The following SULF1 variants were observed in gnomAD, a reference collection of about 807,000 sequenced individuals.
SULF1 encodes the protein extracellular sulfatase Sulf-1.
In SULF1, 46 loss-of-function variants were observed where a neutral mutation model predicts 110.5. That is an observed-to-expected ratio of 0.42 (90% CI 0.33 to 0.53). The LOEUF (loss-of-function observed/expected upper bound fraction) is 0.53. Among genes scored for constraint, SULF1 ranks in the 20% least tolerant of loss-of-function variants. The pLI, the probability that SULF1 is intolerant of heterozygous loss-of-function variation, is 0.12. For missense variants in SULF1, 941 were observed against 1,094.2 expected (o/e 0.86, Z 1.98); for synonymous variants, 371 against 387.1 (o/e 0.96, Z 0.49).
At chr8:69,637,411 C>A (rs535952817) in intron 19 of SULF1, among the ~76,000 whole-genome samples, 1 of 152,300 alleles carries the variant, frequency 6.6e-6, no homozygotes, top group East Asian at 1.9e-4. Flanking sequence ...GCTTTACGAT[C>A]CATTTTGAAC....
intron 22 of SULF1, among the ~76,000 whole-genome samples, chr8:69,650,429 A>T (rs1026785395): frequency 6.6e-6 from 1 of 152,126 alleles, no homozygotes; most frequent in Non-Finnish European, 1.5e-5. Context: ...TGAGCTCAGA[A>T]GTTCAAGACC....
At chr8:69,471,070 C>T (rs1254083693) in intron 1 of SULF1, among the ~76,000 whole-genome samples, 2 of 152,318 alleles carry the variant, frequency 1.3e-5, no homozygotes, top group Non-Finnish European at 2.9e-5. Context: ...TAAGTTCCAC[C>T]GCCTTTGAGA....
chr8:69,560,788 A>C (rs777043598), intron 3 of SULF1, among the ~76,000 whole-genome samples: 1 of 152,198 alleles, frequency 6.6e-6, no homozygotes, highest in African/African-American at 2.4e-5. Context: ...ACAGGCTTTA[A>C]AAGGTCATTT....
chr8:69,564,029 G>A lies in SULF1; in HGVS notation c.54G>A (p.Leu18=). Residue 18 remains leucine, a synonymous_variant, in exon 5 of 23, where the codon CTG becomes CTA. Transcript: ENST00000402687. ...TGGCTGTCCTGGGCACAGAATTGCTGGGAAGCCTCTGTTCGACTGTCAGAT... is the reference window on the plus strand; with the variant it reads ...TGGCTGTCCTGGGCACAGAATTGCTAGGAAGCCTCTGTTCGACTGTCAGAT... ...LVLAVLGTEL[L]GSLCSTVRSP... 8 of 1,614,166 alleles carry A rather than the reference G, an allele frequency of 5.0e-6. No homozygotes were observed. Among genetic ancestry groups the A allele is most frequent in the Non-Finnish European group, 6.8e-6 (8 of 1,180,034 alleles).
chr8:69,577,970 G>A lies in SULF1; in HGVS notation c.412+1761G>A, dbSNP rs116272481. 4.3e-3 allele frequency among the ~76,000 whole-genome samples: 653 copies of A among 152,244 alleles called. 4 individuals carry two copies. Among genetic ancestry groups the A allele is most frequent in the African/African-American group, 0.015 (608 of 41,544 alleles). On this transcript the variant is annotated intron_variant, in intron 6 of 22. Coordinates refer to ENST00000402687, the MANE Select transcript of SULF1 (RefSeq NM_001128205.2). ...AAGCTACAGACCCATGAGGACCCTG[G>A]CAAACAGAAACAAAGAGTAGGACTA... is the stretch of plus-strand genomic sequence containing the variant.
chr8:69,544,067 G>C (rs1168602311), intron 3 of SULF1, among the ~76,000 whole-genome samples: 1 of 152,138 alleles, frequency 6.6e-6, no homozygotes, highest in Non-Finnish European at 1.5e-5. Flanking sequence ...AATTGGCTAA[G>C]GTGTTTCGAT....
chr8:69,525,322 G>T (rs975810108), intron 3 of SULF1, among the ~76,000 whole-genome samples: 5 of 152,062 alleles, frequency 3.3e-5, no homozygotes, highest in African/African-American at 4.8e-5. Flanking sequence ...ATTTTGTAGT[G>T]AAACAAATTC....
intron 3 of SULF1, among the ~76,000 whole-genome samples, chr8:69,559,565 T>A (rs1362903661): frequency 6.6e-6 from 1 of 152,234 alleles, no homozygotes; most frequent in African/African-American, 2.4e-5. Context: ...GTCAATTGTT[T>A]CCCTTGAAAT....
At chr8:69,619,018 G>C (rs762016110) in intron 13 of SULF1, among the ~76,000 whole-genome samples, 1 of 152,122 alleles carries the variant, frequency 6.6e-6, no homozygotes, top group Admixed American at 6.5e-5. Context: ...TAAGAGGGAG[G>C]TATGAGATCC....
chr8:69,645,614 G>T (rs147277045), intron 22 of SULF1, among the ~76,000 whole-genome samples: 1 of 152,344 alleles, frequency 6.6e-6, no homozygotes, highest in East Asian at 1.9e-4. Flanking sequence ...ATCAAAGGAA[G>T]CTTTCCAAGG....
chr8:69,625,761 A>G (rs1809957444), intron 15 of SULF1, among the ~76,000 whole-genome samples: 2 of 152,166 alleles, frequency 1.3e-5, no homozygotes, highest in South Asian at 2.1e-4. Flanking sequence ...GAGCGAAAGA[A>G]CGGAGCTTCC....
chr8:69,497,483 A>C lies in SULF1; in HGVS notation c.-229+1557A>C, dbSNP rs951593359. ...GAATGTTCTTAAGCAACAAGACTAA[A>C]GCCACTTTTAAGAGACAATTAAAGG... On this transcript the variant is annotated intron_variant, in intron 2 of 22. Coordinates refer to ENST00000402687, the MANE Select transcript of SULF1 (RefSeq NM_001128205.2). 8.5e-5 allele frequency among the ~76,000 whole-genome samples: 13 copies of C among 152,172 alleles called. 1 individual carries two copies.
rs1384276266 is a variant in SULF1 at position 69,478,129 on chromosome 8, A to G, written c.-391+11179A>G. Among the ~76,000 whole-genome samples the G allele has an allele frequency of 3.9e-5, 6 of 152,312 alleles. No individual in the cohort carries two copies. The East Asian group carries it at 9.7e-4, about 25-fold the overall frequency. On this transcript the variant is annotated intron_variant, in intron 1 of 22. Coordinates refer to the SULF1 transcript ENST00000260128. Reference sequence around the variant, plus strand: ...CAGCATTCCAAAGTGCTAGGATTACAGGTGCAAGCCACTGTACCCAGCCTA... The same window carrying G: ...CAGCATTCCAAAGTGCTAGGATTACGGGTGCAAGCCACTGTACCCAGCCTA...
chr8:69,561,668 A>G (rs1207516452), intron 3 of SULF1, among the ~76,000 whole-genome samples: 3 of 152,186 alleles, frequency 2.0e-5, no homozygotes, highest in African/African-American at 7.2e-5. Context: ...CATTTACAGT[A>G]TAGTGGATGC....
intron 5 of SULF1, among the ~76,000 whole-genome samples, chr8:69,575,477 G>A (rs79648346): frequency 0.27 from 40,397 of 151,914 alleles, 5,564 homozygotes; most frequent in Middle Eastern, 0.31. Flanking sequence ...AACAAACACA[G>A]GCATTTTGAT....
chr8:69,568,206 A>C (rs1804942969), intron 5 of SULF1, among the ~76,000 whole-genome samples: 1 of 152,238 alleles, frequency 6.6e-6, no homozygotes, highest in Admixed American at 6.5e-5. Flanking sequence ...TCCAAAAAGA[A>C]AGTAACAGAC....
upstream of SULF1, among the ~76,000 whole-genome samples, chr8:69,489,568 T>C (rs1198687492): frequency 6.9e-6 from 1 of 145,598 alleles, no homozygotes; most frequent in South Asian, 2.1e-4. Context: ...TTTCTTTCTT[T>C]CTCTTTTTTT....
chr8:69,659,435 G>A lies in SULF1; in HGVS notation c.*900G>A. ...TCCAAGCTACCCTGGGTACCTTTGT[G>A]CAGTAGAAGCTAGTGAGCATGTGAG... On this transcript the variant is annotated 3_prime_UTR_variant, in exon 23 of 23. Transcript: ENST00000402687. 1 of 342,364 alleles carries A rather than the reference G, an allele frequency of 2.9e-6. No individual in the cohort carries two copies. Among genetic ancestry groups the A allele is most frequent in the South Asian group, 2.3e-5 (1 of 43,342 alleles). 21.2% of individuals were successfully genotyped at this position (342,364 alleles called of 1,614,324 possible).
intron 8 of SULF1, among the ~76,000 whole-genome samples, chr8:69,593,145 G>A (rs1807030501): frequency 1.3e-5 from 2 of 152,188 alleles, no homozygotes; most frequent in Admixed American, 1.3e-4. Flanking sequence ...CATCTTTGCT[G>A]TGAAGGTCTC....
Sources: gnomAD v4.1 joint callset for allele counts (sites outside exome capture counted in the v4.1 genomes callset) on GRCh38, gnomAD v4.1.1 for gene constraint, MANE v1.5 for transcripts, NCBI Gene and HGNC (gene_info 2026-07-23, HGNC 2026-07-21) for gene names.